The following KCNIP1 variants were observed in gnomAD, a reference collection of about 807,000 sequenced individuals.
KCNIP1 encodes the protein potassium voltage-gated channel interacting protein 1.
KCNIP1 carries 18 observed loss-of-function variants against 33.0 expected under a neutral mutation model. The ratio of observed to expected loss-of-function variants is 0.55; its 90% CI spans 0.38 to 0.81. The LOEUF (loss-of-function observed/expected upper bound fraction) is 0.81. Ranked by LOEUF, KCNIP1 falls within the 30% of genes least tolerant of loss-of-function variation. KCNIP1 has a pLI of 0.00. For missense variants in KCNIP1, 238 were observed against 271.6 expected (o/e 0.88, Z 0.87); for synonymous variants, 93 against 98.3 (o/e 0.95, Z 0.32).
chr5:170,354,382 G>A (rs541819698), intron 1 of KCNIP1, among the ~76,000 whole-genome samples: 2 of 152,344 alleles, frequency 1.3e-5, no homozygotes, highest in Admixed American at 6.5e-5. Context: ...GCTTGAGGGG[G>A]CCAGTGGGAG....
At chr5:170,614,014 G>A (rs1055160114) in intron 1 of KCNIP1, among the ~76,000 whole-genome samples, 1 of 152,162 alleles carries the variant, frequency 6.6e-6, no homozygotes, top group Admixed American at 6.5e-5. Flanking sequence ...GAAGTGAAGT[G>A]TTCAATTCCT....
intron 1 of KCNIP1, among the ~76,000 whole-genome samples, chr5:170,363,747 T>G (rs538813462): frequency 6.6e-6 from 1 of 152,326 alleles, no homozygotes; most frequent in East Asian, 1.9e-4. Flanking sequence ...CATTTTTAAG[T>G]GCACAGTTGT....
At chr5:170,513,792 G>A (rs1257954874) in intron 1 of KCNIP1, among the ~76,000 whole-genome samples, 1 of 152,222 alleles carries the variant, frequency 6.6e-6, no homozygotes, top group Non-Finnish European at 1.5e-5. Flanking sequence ...CAGAAAATGT[G>A]ACTAAAGTAG....
intron 1 of KCNIP1, among the ~76,000 whole-genome samples, chr5:170,404,575 A>C (rs1048074133): frequency 6.6e-6 from 1 of 152,110 alleles, no homozygotes; most frequent in Admixed American, 6.5e-5. Context: ...TGACTATGCC[A>C]TGTGTTTCTC....
At chr5:170,629,229 G>A (rs941381907) in intron 1 of KCNIP1, among the ~76,000 whole-genome samples, 12 of 152,346 alleles carry the variant, frequency 7.9e-5, no homozygotes, top group African/African-American at 2.9e-4. Flanking sequence ...TGTAAGGGAC[G>A]GGGTGCAGGT....
chr5:170,557,549 G>A (rs1464980338), intron 1 of KCNIP1, among the ~76,000 whole-genome samples: 1 of 152,118 alleles, frequency 6.6e-6, no homozygotes, highest in African/African-American at 2.4e-5. Flanking sequence ...TGAATCGTGT[G>A]GGTCCCATCC....
At chr5:170,683,620 A>G (rs1240199625) in intron 1 of KCNIP1, among the ~76,000 whole-genome samples, 1 of 152,182 alleles carries the variant, frequency 6.6e-6, no homozygotes, top group Admixed American at 6.5e-5. Flanking sequence ...ATACACCAGG[A>G]CCAATGTAAT....
chr5:170,629,923 T>C (rs1019295222), intron 1 of KCNIP1, among the ~76,000 whole-genome samples: 2 of 152,262 alleles, frequency 1.3e-5, no homozygotes, highest in African/African-American at 4.8e-5. Flanking sequence ...AGGCAGGGAC[T>C]TGGACCTGTT....
At chr5:170,598,902 C>CGTGTGTGTGTGTGTGTGTGT (rs1251870404) in intron 1 of KCNIP1, among the ~76,000 whole-genome samples, 1 of 50,430 alleles carries the variant, frequency 2.0e-5, no homozygotes, top group African/African-American at 8.0e-5. Flanking sequence ...TGTGTGTGTG[C>CGTGTGTGTGTGTGTGTGTGT]GCGTGTGTGT....
At chr5:170,654,564 G>T (rs1341419028) in intron 1 of KCNIP1, among the ~76,000 whole-genome samples, 1 of 152,172 alleles carries the variant, frequency 6.6e-6, no homozygotes, top group African/African-American at 2.4e-5. Flanking sequence ...GAGGGTAAAA[G>T]ATATTACTTA....
At chr5:170,508,957 G>A (rs138364674) in intron 1 of KCNIP1, among the ~76,000 whole-genome samples, 169 of 152,208 alleles carry the variant, frequency 1.1e-3, no homozygotes, top group East Asian at 2.5e-3. Flanking sequence ...GTAGGAGCTC[G>A]TCTAACTCAT....
intron 1 of KCNIP1, among the ~76,000 whole-genome samples, chr5:170,367,059 C>T (rs1231526822): frequency 6.6e-6 from 1 of 152,138 alleles, no homozygotes; most frequent in Non-Finnish European, 1.5e-5. Flanking sequence ...TGGCTCACGC[C>T]TGTAATCCCA....
intron 1 of KCNIP1, among the ~76,000 whole-genome samples, chr5:170,715,624 G>T (rs567523386): frequency 5.3e-5 from 8 of 152,296 alleles, no homozygotes; most frequent in South Asian, 2.1e-4. Context: ...GCAGGGCAAT[G>T]GTCCCCTCAC....
chr5:170,378,566 C>T, intron 1 of KCNIP1: 1 of 927,024 alleles, frequency 1.1e-6, no homozygotes, highest in African/African-American at 1.7e-5. Flanking sequence ...GTTAGTCCTG[C>T]AACAGAAGAC....
chr5:170,532,755 C>T (rs947425650), intron 1 of KCNIP1, among the ~76,000 whole-genome samples: 1 of 152,166 alleles, frequency 6.6e-6, no homozygotes, highest in East Asian at 1.9e-4. Context: ...CTGCCCTGGA[C>T]ACTCAGCTGG....
At chr5:170,502,515 G>T (rs1442531323), upstream of KCNIP1, among the ~76,000 whole-genome samples, 1 of 152,194 alleles carries the variant, frequency 6.6e-6, no homozygotes, top group Non-Finnish European at 1.5e-5. Context: ...TTTGCTGTGT[G>T]TGCGTCTGCA....
intron 1 of KCNIP1, among the ~76,000 whole-genome samples, chr5:170,590,974 C>T (rs1452059767): frequency 2.6e-5 from 4 of 152,194 alleles, no homozygotes; most frequent in Admixed American, 2.6e-4. Context: ...CCACTCCTAT[C>T]CCCTGGGCCA....
chr5:170,467,244 T>G (rs1458984714), intron 1 of KCNIP1, among the ~76,000 whole-genome samples: 4 of 152,176 alleles, frequency 2.6e-5, no homozygotes, highest in Non-Finnish European at 4.4e-5. Context: ...GGTCGACGTT[T>G]TTAGCTTTAT....
chr5:170,684,893 C>T (rs566398940), intron 1 of KCNIP1, among the ~76,000 whole-genome samples: 4 of 152,284 alleles, frequency 2.6e-5, no homozygotes, highest in Admixed American at 6.5e-5. Context: ...TACATGTTGA[C>T]TTGAAGCAAT....
Sources: allele counts gnomAD v4.1 joint callset (sites outside exome capture counted in the v4.1 genomes callset), GRCh38; gene constraint gnomAD v4.1.1; transcripts MANE v1.5; gene names NCBI Gene and HGNC (gene_info 2026-07-23, HGNC 2026-07-21).